The following PRKCE variants were observed in gnomAD, a reference collection of about 807,000 sequenced individuals.
The protein encoded by PRKCE is protein kinase C epsilon, also known as protein kinase C epsilon type.
Under a neutral mutation model 85.4 loss-of-function variants are expected in PRKCE, and 16 were observed. The observed-to-expected ratio is 0.19, with a 90% confidence interval of 0.13 to 0.28. The LOEUF (loss-of-function observed/expected upper bound fraction) is 0.28. Ranked by LOEUF, PRKCE falls within the 10% of genes least tolerant of loss-of-function variation. The pLI, the probability that PRKCE is intolerant of heterozygous loss-of-function variation, is 1.00. For synonymous variants in PRKCE, 388 were observed against 371.5 expected, an observed-to-expected ratio of 1.04 and a Z score of -0.51; for missense variants, 573 against 975.2, an observed-to-expected ratio of 0.59 and a Z score of 5.49.
chr2:45,781,650 G>A (rs952437867), intron 1 of PRKCE, among the ~76,000 whole-genome samples: 3 of 149,094 alleles, frequency 2.0e-5, no homozygotes, highest in South Asian at 2.2e-4. Context: ...CCCGCCCCCC[G>A]GCCCCCGACA....
chr2:46,095,726 T>C (rs890743588), intron 11 of PRKCE, among the ~76,000 whole-genome samples: 3 of 152,254 alleles, frequency 2.0e-5, no homozygotes, highest in African/African-American at 7.2e-5. Context: ...ATTCCAACAT[T>C]GTGTTGCATT....
rs1229247291 is a variant in PRKCE, at chr2:46,155,211, C to A, written c.1920+3982C>A. Among the ~76,000 whole-genome samples, 1 of 152,018 alleles carries A rather than the reference C, an allele frequency of 6.6e-6. No homozygotes were observed. Among genetic ancestry groups the A allele is most frequent in the Non-Finnish European group, 1.5e-5 (1 of 67,998 alleles). ...AATCCAGATTTTTATGTAAAAATCT[C>A]GAAACATTAAATGATTATAACTAGT... is the stretch of plus-strand genomic sequence containing the variant. On this transcript the variant is annotated intron_variant, in intron 13 of 14. Coordinates refer to ENST00000306156, the MANE Select transcript of PRKCE (RefSeq NM_005400.3). This position sits in a 1 kb window ranked among gnomAD's most constrained non-coding sequence, Gnocchi z 4.7.
chr2:45,730,370 C>G (rs1200171618), intron 1 of PRKCE, among the ~76,000 whole-genome samples: 1 of 151,660 alleles, frequency 6.6e-6, no homozygotes, highest in East Asian at 1.9e-4. Context: ...GTTGCCCAGG[C>G]TGGTCTCAAA....
At chr2:45,684,778 T>A (rs752132385) in intron 1 of PRKCE, among the ~76,000 whole-genome samples, 38 of 152,154 alleles carry the variant, frequency 2.5e-4, no homozygotes, top group Non-Finnish European at 7.4e-5. Context: ...CTGTGACGTG[T>A]GTAAGGGGTA....
intron 11 of PRKCE, among the ~76,000 whole-genome samples, chr2:46,129,492 C>T (rs545564274): frequency 6.6e-6 from 1 of 152,220 alleles, no homozygotes; most frequent in African/African-American, 2.4e-5. Context: ...GGACAGGGAA[C>T]GTGTTTCCAT....
chr2:46,125,038 C>T (rs1032246192), intron 11 of PRKCE, among the ~76,000 whole-genome samples: 2 of 152,178 alleles, frequency 1.3e-5, no homozygotes, highest in Non-Finnish European at 2.9e-5. Context: ...CCACTGATTG[C>T]CCAGTACTTT....
chr2:45,872,888 G>A (rs1431605369), intron 2 of PRKCE, among the ~76,000 whole-genome samples: 1 of 152,218 alleles, frequency 6.6e-6, no homozygotes, highest in African/African-American at 2.4e-5. Flanking sequence ...ATTGAGTCAT[G>A]GGTATGCAGG....
chr2:45,736,009 G>A (rs1235973485), intron 1 of PRKCE, among the ~76,000 whole-genome samples: 3 of 152,114 alleles, frequency 2.0e-5, no homozygotes, highest in African/African-American at 4.8e-5. Flanking sequence ...CACCCAGGCT[G>A]GAGTACAGTG....
At chr2:45,707,114 G>A (rs1679177766) in intron 1 of PRKCE, among the ~76,000 whole-genome samples, 1 of 152,206 alleles carries the variant, frequency 6.6e-6, no homozygotes, top group Non-Finnish European at 1.5e-5. Flanking sequence ...ATCTGAGTCT[G>A]CAAGAGCTGG....
At chr2:45,729,509 C>T (rs1270379248) in intron 1 of PRKCE, among the ~76,000 whole-genome samples, 3 of 152,168 alleles carry the variant, frequency 2.0e-5, no homozygotes, top group Non-Finnish European at 4.4e-5. Flanking sequence ...TTTCCGATTC[C>T]TTTTCCCCCT....
intron 1 of PRKCE, among the ~76,000 whole-genome samples, chr2:45,717,258 T>A (rs1426590944): frequency 6.6e-6 from 1 of 152,222 alleles, no homozygotes; most frequent in Non-Finnish European, 1.5e-5. Context: ...TTCTGTAGCA[T>A]CCAGGTTTGT....
chr2:45,844,711 C>G (rs1386651516), intron 2 of PRKCE, among the ~76,000 whole-genome samples: 1 of 152,216 alleles, frequency 6.6e-6, no homozygotes, highest in African/African-American at 2.4e-5. Flanking sequence ...ATATGTATTT[C>G]CTGTGCCAAG....
chr2:46,038,418 C>T (rs576714917), intron 10 of PRKCE, among the ~76,000 whole-genome samples: 1 of 151,994 alleles, frequency 6.6e-6, no homozygotes, highest in Admixed American at 6.6e-5. Flanking sequence ...AACTGTTTGT[C>T]CCTGCTGCAT....
chr2:45,665,005 A>G (rs921343811), intron 1 of PRKCE, among the ~76,000 whole-genome samples: 15 of 152,228 alleles, frequency 9.9e-5, no homozygotes, highest in Non-Finnish European at 1.5e-4. Context: ...TTAGAGAGCA[A>G]AGCTTTGCTT....
intron 2 of PRKCE, among the ~76,000 whole-genome samples, chr2:45,933,021 C>A (rs1699156697): frequency 6.6e-6 from 1 of 152,170 alleles, no homozygotes; most frequent in African/African-American, 2.4e-5. Flanking sequence ...TGTTTATCCA[C>A]CATTCTTTGA....
intron 2 of PRKCE, among the ~76,000 whole-genome samples, chr2:45,914,746 T>C (rs767475722): frequency 6.6e-6 from 1 of 152,196 alleles, no homozygotes; most frequent in Non-Finnish European, 1.5e-5. Flanking sequence ...TAATCAAGTG[T>C]TGCTTTTATT....
At chr2:45,762,482 C>T (rs1447726204) in intron 1 of PRKCE, among the ~76,000 whole-genome samples, 2 of 152,188 alleles carry the variant, frequency 1.3e-5, no homozygotes, top group Admixed American at 1.3e-4. Context: ...GAGGAAAGTC[C>T]CTTTTGGTAC....
chr2:45,780,211 T>C (rs1686074286), intron 1 of PRKCE, among the ~76,000 whole-genome samples: 1 of 152,268 alleles, frequency 6.6e-6, no homozygotes, highest in Non-Finnish European at 1.5e-5. Flanking sequence ...TGAATGATGA[T>C]TCAAATAAGG....
intron 1 of PRKCE, among the ~76,000 whole-genome samples, chr2:45,678,614 A>G (rs1022005070): frequency 2.0e-4 from 30 of 152,244 alleles, no homozygotes; most frequent in Admixed American, 3.9e-4. Context: ...CTCTATTTTG[A>G]GAAAAATTTG....
Sources: gnomAD v4.1 joint callset for allele counts (sites outside exome capture counted in the v4.1 genomes callset) on GRCh38, gnomAD v4.1.1 for gene constraint, Gnocchi (gnomAD v3.1) non-coding constraint, MANE v1.5 for transcripts, NCBI Gene and HGNC (gene_info 2026-07-23, HGNC 2026-07-21) for gene names.